Variants in SEMA3E observed in about 807,000 individuals in gnomAD.
SEMA3E encodes the protein semaphorin 3E.
A neutral mutation model predicts 93.6 loss-of-function variants in SEMA3E; 49 were observed. The observed-to-expected ratio is 0.52, with a 90% confidence interval of 0.42 to 0.66. The LOEUF is 0.66. Ranked by LOEUF, SEMA3E falls within the 30% of genes least tolerant of loss-of-function variation. SEMA3E has a pLI of 0.00. For missense variants in SEMA3E, 906 were observed against 964.8 expected, an observed-to-expected ratio of 0.94 and a Z score of 0.81; for synonymous variants, 363 against 330.7, an observed-to-expected ratio of 1.10 and a Z score of -1.06.
intron 2 of SEMA3E, among the ~76,000 whole-genome samples, chr7:83,489,746 TA>T (rs35079129): frequency 0.93 from 141,794 of 152,118 alleles, 66,353 homozygotes; most frequent in East Asian, 1. Context: ...GCCACATATT[TA>T]ACATTTCTTC....
chr7:83,437,536 A>T (rs188431292), intron 4 of SEMA3E, among the ~76,000 whole-genome samples: 1 of 152,262 alleles, frequency 6.6e-6, no homozygotes, highest in East Asian at 1.9e-4. Context: ...TATTTTAAAC[A>T]TAAAAATCAG....
intron 4 of SEMA3E, among the ~76,000 whole-genome samples, chr7:83,439,203 T>C (rs933090702): frequency 6.6e-6 from 1 of 152,344 alleles, no homozygotes; most frequent in Non-Finnish European, 1.5e-5. Context: ...TTCCTACTGC[T>C]GACTGAGTCA....
chr7:83,583,268 G>C (rs1163214512), intron 1 of SEMA3E, among the ~76,000 whole-genome samples: 12 of 152,186 alleles, frequency 7.9e-5, no homozygotes, highest in Non-Finnish European at 1.5e-4. Flanking sequence ...GGTACAGTGT[G>C]ATATTTTGAT....
At chr7:83,630,446 A>C (rs1793763448) in intron 1 of SEMA3E, among the ~76,000 whole-genome samples, 1 of 152,220 alleles carries the variant, frequency 6.6e-6, no homozygotes, top group African/African-American at 2.4e-5. Context: ...CAGATGTACT[A>C]GAAAGCATCT....
chr7:83,488,333 C>T (rs1441949096), intron 2 of SEMA3E, among the ~76,000 whole-genome samples: 2 of 151,892 alleles, frequency 1.3e-5, no homozygotes, highest in Non-Finnish European at 2.9e-5. Flanking sequence ...TGTCTCAGTG[C>T]AAGGGGTATA....
At chr7:83,448,569 C>T (rs1789286341) in intron 4 of SEMA3E, among the ~76,000 whole-genome samples, 2 of 152,144 alleles carry the variant, frequency 1.3e-5, no homozygotes, top group African/African-American at 4.8e-5. Context: ...AGTATATTTT[C>T]TCCTTAGAGT....
chr7:83,478,674 A>G (rs570820496), intron 2 of SEMA3E, among the ~76,000 whole-genome samples: 9 of 152,316 alleles, frequency 5.9e-5, no homozygotes, highest in Admixed American at 5.2e-4. Flanking sequence ...TACTGTCACT[A>G]GCAACTAATT....
At chr7:83,635,691 T>C (rs896748814) in intron 1 of SEMA3E, among the ~76,000 whole-genome samples, 1 of 152,026 alleles carries the variant, frequency 6.6e-6, no homozygotes, top group Non-Finnish European at 1.5e-5. Context: ...AAATGAAATT[T>C]TCATAAGTTC....
At chr7:83,384,127 G>C (rs1787834347) in intron 16 of SEMA3E, among the ~76,000 whole-genome samples, 2 of 151,866 alleles carry the variant, frequency 1.3e-5, no homozygotes, top group Non-Finnish European at 2.9e-5. Context: ...CCTGTCCAAA[G>C]AATCAAGGAT....
At position 83,365,875 on chromosome 7, in the gene SEMA3E, A is replaced by G. The variant is rs1794659343; in HGVS notation, c.*1711T>C. ...ATTTCTCCAAATTGAGCAGGCTTTT[A>G]CTGAATATAGTTTTTAAAAATACAT... On this transcript the variant is annotated 3_prime_UTR_variant, in exon 17 of 17. Coordinates refer to ENST00000643230, the MANE Select transcript of SEMA3E (RefSeq NM_012431.3). The G allele has an allele frequency of 6.6e-6, 1 of 152,092 alleles. No homozygotes were observed. The highest frequency in any genetic ancestry group is 1.5e-5 in the Non-Finnish European group (1 of 67,982). 9.4% of individuals were successfully genotyped at this position (152,092 alleles called of 1,614,324 possible).
At chr7:83,620,119 A>G (rs1486499088) in intron 1 of SEMA3E, among the ~76,000 whole-genome samples, 1 of 151,980 alleles carries the variant, frequency 6.6e-6, no homozygotes, top group Non-Finnish European at 1.5e-5. Flanking sequence ...ATAGCTCAGA[A>G]TGAATAAAGT....
chr7:83,402,722 T>G lies in SEMA3E; in HGVS notation c.1053A>C (p.Ala351=). ...ICVYHMSSIR[A]AFNGPYAHKE... is the part of the protein sequence containing the mutation. ...TATGTGCATATGGTCCGTTGAAGGC[T>G]GCCCGAATGCTAGACATGTGATAGA... The change falls in exon 10 of 17, where the codon GCA becomes GCC. Residue 351 remains alanine, a synonymous_variant. Coordinates refer to ENST00000643230, the MANE Select transcript of SEMA3E (RefSeq NM_012431.3). 1.2e-6 allele frequency: 2 copies of G among 1,613,066 alleles called. No homozygotes were observed. Among genetic ancestry groups the G allele is most frequent in the Non-Finnish European group, 1.7e-6 (2 of 1,179,238 alleles).
intron 1 of SEMA3E, among the ~76,000 whole-genome samples, chr7:83,507,751 A>G (rs1343919717): frequency 6.6e-6 from 1 of 151,866 alleles, no homozygotes; most frequent in Admixed American, 6.6e-5. Flanking sequence ...CAGCTTGGGC[A>G]ACATAGTGAG....
At chr7:83,386,264 GCA>G (rs1787877578) in intron 15 of SEMA3E, among the ~76,000 whole-genome samples, 1 of 152,030 alleles carries the variant, frequency 6.6e-6, no homozygotes, top group African/African-American at 2.4e-5. Context: ...TGATGCTGGA[GCA>G]CAGTCTCTGG....
chr7:83,368,243 T>G (rs926514841), intron 16 of SEMA3E, among the ~76,000 whole-genome samples: 1 of 151,788 alleles, frequency 6.6e-6, no homozygotes. Flanking sequence ...GTGTGTATTC[T>G]GAAGATATTT....
chr7:83,370,204 C>G (rs1227982226), intron 16 of SEMA3E, among the ~76,000 whole-genome samples: 1 of 152,026 alleles, frequency 6.6e-6, no homozygotes, highest in Non-Finnish European at 1.5e-5. Context: ...TTTGTGTTTT[C>G]TGTTAGTTAA....
In SEMA3E at chr7:83,368,052, A is replaced by T. The variant is rs891019060; in HGVS notation, c.1876-14T>A. 1.2e-6 allele frequency: 2 copies of T among 1,610,346 alleles called. No individual in the cohort carries two copies. The highest frequency in any genetic ancestry group is 2.2e-5 in the South Asian group (2 of 91,012). On this transcript the variant is annotated splice_polypyrimidine_tract_variant and intron_variant, in intron 16 of 16. Coordinates refer to ENST00000643230, the MANE Select transcript of SEMA3E (RefSeq NM_012431.3). ...ATCTGTCTTCACCTGCAAAAACAAA[A>T]AAGTAAATGGCACTGAAGTACACAG...
At chr7:83,370,304 G>T (rs930898718) in intron 16 of SEMA3E, among the ~76,000 whole-genome samples, 1 of 151,880 alleles carries the variant, frequency 6.6e-6, no homozygotes, top group African/African-American at 2.4e-5. Flanking sequence ...CACTCAAACT[G>T]CCCTCCATTT....
intron 1 of SEMA3E, among the ~76,000 whole-genome samples, chr7:83,522,051 C>T (rs1791061913): frequency 6.6e-6 from 1 of 152,058 alleles, no homozygotes; most frequent in Admixed American, 6.6e-5. Flanking sequence ...GATATTTATA[C>T]AGAAGCATTA....
Sources: gnomAD v4.1 joint callset for allele counts (sites outside exome capture counted in the v4.1 genomes callset) on GRCh38, gnomAD v4.1.1 for gene constraint, MANE v1.5 for transcripts, NCBI Gene and HGNC (gene_info 2026-07-23, HGNC 2026-07-21) for gene names.